Variants in NMRK2 observed in about 807,000 individuals in gnomAD.
NMRK2 encodes nicotinamide riboside kinase 2.
NMRK2 carries 34 observed loss-of-function variants against 24.7 expected under a neutral mutation model. That is an observed-to-expected ratio of 1.37 (90% CI 1.05 to 1.83). NMRK2 has a LOEUF of 1.83. Ranked by LOEUF, NMRK2 falls within the 40% of genes most tolerant of loss-of-function variation. The pLI, the probability that NMRK2 is intolerant of heterozygous loss-of-function variation, is 0.00. For synonymous variants in NMRK2, 145 were observed against 125.6 expected (o/e 1.15, Z -1.03); for missense variants, 341 against 315.0 (o/e 1.08, Z -0.62).
chr19:3,933,343 G>T (rs1450610683), intron 1 of NMRK2, 115 bp from the exon 2 acceptor site: 1 of 384,440 alleles, frequency 2.6e-6, no homozygotes, highest in Non-Finnish European at 4.7e-6. Flanking sequence ...GAGGGAGGAG[G>T]GGGTAAGAAG....
chr19:3,940,085 G>T lies in NMRK2; in HGVS notation c.395+114G>T. The T allele has an allele frequency of 4.4e-6, 4 of 907,544 alleles. No homozygotes were observed. In the Admixed American group the frequency reaches 8.6e-5, roughly 19 times the overall value. 56.2% of individuals were successfully genotyped at this position (907,544 alleles called of 1,614,324 possible). On this transcript the variant is annotated intron_variant, in intron 6 of 7. Coordinates refer to ENST00000168977, the MANE Select transcript of NMRK2 (RefSeq NM_170678.3). ...CTGGGGGCTGGGCACAGTGTCTCTG[G>T]GCTGTAATCCCAGCACTTCCGGAGG...
intron 6 of NMRK2, among the ~76,000 whole-genome samples, 197 bp from the exon 7 acceptor site, chr19:3,940,874 C>T (rs889597900): frequency 6.6e-6 from 1 of 152,238 alleles, no homozygotes; most frequent in Non-Finnish European, 1.5e-5. Context: ...CCACCCCAAC[C>T]CTGTCCAGGG....
chr19:3,942,366 C>T lies in NMRK2; in HGVS notation c.*93C>T. ...GCTCAGGGACTGAGCCCCAAGACGC[C>T]TCTGTAACCTCGCTGCAGCTTCAGT... On this transcript the variant is annotated 3_prime_UTR_variant, in exon 8 of 8. Coordinates refer to ENST00000168977, the MANE Select transcript of NMRK2 (RefSeq NM_170678.3). 3 of 1,125,828 alleles carry T rather than the reference C, an allele frequency of 2.7e-6. No homozygotes were observed. Among genetic ancestry groups the T allele is most frequent in the Non-Finnish European group, 3.7e-6 (3 of 800,404 alleles). The allele number at this position is 1,125,828 out of a possible 1,614,324, so 69.7% of individuals were successfully genotyped here.
rs1307815663 is a variant in NMRK2 at position 3,937,112 on chromosome 19, C to G, written c.118-128C>G. 8.5e-6 allele frequency: 7 copies of G among 826,122 alleles called. No homozygotes were observed. In the East Asian group the frequency reaches 1.9e-4, roughly 22 times the overall value. 51.2% of individuals were successfully genotyped at this position (826,122 alleles called of 1,614,324 possible). On this transcript the variant is annotated intron_variant, in intron 3 of 7. Coordinates refer to ENST00000168977, the MANE Select transcript of NMRK2 (RefSeq NM_170678.3). ...GATGGTCTGGGGAAAATCTGAGGGT[C>G]AGGCAGAGCCCCCACGCCTCAGGGA...
At chr19:3,936,417 G>A (rs553343310) in intron 2 of NMRK2, among the ~76,000 whole-genome samples, 158 bp from the exon 3 acceptor site, 57 of 143,124 alleles carry the variant, frequency 4.0e-4, no homozygotes, top group African/African-American at 1.1e-3. Flanking sequence ...CAAAAAAAAA[G>A]AAAAAGAATC....
rs775325451 is a variant in NMRK2 at position 3,939,962 on chromosome 19, G to T, written c.386G>T (p.Trp129Leu). Residue 129 changes from tryptophan (W) to leucine (L), a missense_variant, in exon 6 of 8, where the codon TGG (tryptophan) becomes TTG (leucine). Physicochemically the swap from Trp to Leu is moderately conservative, Grantham distance 61. Coordinates refer to ENST00000168977, the MANE Select transcript of NMRK2 (RefSeq NM_170678.3). ...ACCGTCCCGTATGAAGAGTGCAAGT[G>T]GAGGAGAAGGTGCACTTGGTGTCTG... is the stretch of plus-strand genomic sequence containing the variant. ...FLTVPYEECKWRRSTRNYTVP... is the reference protein window; with the variant it reads ...FLTVPYEECKLRRSTRNYTVP... 3 of 1,613,268 alleles carry T rather than the reference G, an allele frequency of 1.9e-6. No homozygotes were observed. The South Asian group carries it at 3.3e-5, about 18-fold the overall frequency.
intron 2 of NMRK2, among the ~76,000 whole-genome samples, chr19:3,935,588 T>C (rs2039199948): frequency 6.6e-6 from 1 of 151,304 alleles, no homozygotes; most frequent in African/African-American, 2.4e-5. Context: ...TATGTATTTA[T>C]TTATTTATTT....
chr19:3,937,270 G>T lies in NMRK2; in HGVS notation c.148G>T (p.Gly50Cys), dbSNP rs200487219. Residue 50 changes from glycine (G) to cysteine (C), a missense_variant, in exon 4 of 8, where the codon GGC becomes TGC. Gly to Cys is a radical substitution (Grantham distance 159). Transcript: ENST00000168977. Reference protein sequence around the residue: ...PQDQIAVGEDGFKQWDVLESL... With the variant: ...PQDQIAVGEDCFKQWDVLESL... Reference sequence around the variant, plus strand: ...AGACCAAATAGCAGTTGGGGAAGACGGCTTCAAACAGTGGGACGGTAAGGA... The same window carrying T: ...AGACCAAATAGCAGTTGGGGAAGACTGCTTCAAACAGTGGGACGGTAAGGA... The T allele has an allele frequency of 1.1e-5, 18 of 1,613,264 alleles. No homozygotes were observed. Among genetic ancestry groups the T allele is most frequent in the Non-Finnish European group, 1.5e-5 (18 of 1,179,512 alleles).
intron 2 of NMRK2, among the ~76,000 whole-genome samples, chr19:3,934,592 G>A (rs866779581): frequency 5.4e-5 from 8 of 149,180 alleles, no homozygotes; most frequent in Non-Finnish European, 1.0e-4. Flanking sequence ...TGTTGCCGTC[G>A]TAGTTTGAGA....
At position 3,933,533 on chromosome 19, in the gene NMRK2, G is replaced by A; in HGVS notation, c.-139G>A. ...CCATCCCCAGGGGCCGCCTCCCCCG[G>A]GGCGGCCTCCAGGCTGCCGAGACCT... On this transcript the variant is annotated 5_prime_UTR_variant, in exon 2 of 8. Coordinates refer to ENST00000168977, the MANE Select transcript of NMRK2 (RefSeq NM_170678.3). The A allele has an allele frequency of 1.1e-6, 1 of 949,946 alleles. No individual in the cohort carries two copies. The highest frequency in any genetic ancestry group is 1.5e-6 in the Non-Finnish European group (1 of 672,238). 58.8% of individuals were successfully genotyped at this position (949,946 alleles called of 1,614,324 possible).
In NMRK2 at chr19:3,941,029, C is replaced by T. The variant is rs1202591090; in HGVS notation, c.396-42C>T. On this transcript the variant is annotated intron_variant, in intron 6 of 7. Transcript: ENST00000168977. ...CACCGGGGGTATATTCTTAGCATCA[C>T]CCTTCTGTGCTCTAAGCCATCCTTG... 3.8e-6 allele frequency: 5 copies of T among 1,321,046 alleles called. No homozygotes were observed. In the African/African-American group the frequency reaches 5.8e-5, roughly 15 times the overall value. The allele number at this position is 1,321,046 out of a possible 1,614,324, so 81.8% of individuals were successfully genotyped here.
Position 3,936,611 on chromosome 19 carries a change from C to A in NMRK2, c.63C>A (p.Ser21Arg). The change falls in exon 3 of 8, where the codon AGC becomes AGA. Residue 21 changes from serine to arginine, a missense_variant. Ser to Arg is a moderately radical substitution (Grantham distance 110). Coordinates refer to ENST00000168977, the MANE Select transcript of NMRK2 (RefSeq NM_170678.3). ...TNGGKTTLTN[S>R]LLRALPNCCV... ...GCGGCAAGACCACGCTGACCAACAGCCTGCTCAGAGCCCTGCCCAACTGCT... is the reference window on the plus strand; with the variant it reads ...GCGGCAAGACCACGCTGACCAACAGACTGCTCAGAGCCCTGCCCAACTGCT... The A allele has an allele frequency of 1.9e-6, 3 of 1,573,468 alleles. No homozygotes were observed. Among genetic ancestry groups the A allele is most frequent in the East Asian group, 2.3e-5 (1 of 42,750 alleles).
chr19:3,942,284 A>G lies in NMRK2; in HGVS notation c.*11A>G, dbSNP rs762388429. 4.0e-5 allele frequency: 63 copies of G among 1,594,016 alleles called. No individual in the cohort carries two copies. Among genetic ancestry groups the G allele is most frequent in the Non-Finnish European group, 5.2e-5 (61 of 1,171,492 alleles). ...CAGGACAGCATGTGAGCGTTTCCCT[A>G]TGGGGGTGTCTGTACGTAGGAGAGT... On this transcript the variant is annotated 3_prime_UTR_variant, in exon 8 of 8. Coordinates refer to ENST00000168977, the MANE Select transcript of NMRK2 (RefSeq NM_170678.3).
intron 7 of NMRK2, 81 bp downstream of exon 7, chr19:3,941,258 T>C (rs1424512386): frequency 1.9e-5 from 15 of 796,212 alleles, no homozygotes; most frequent in South Asian, 3.4e-5. Context: ...TCTTTTTTTT[T>C]TTTTTTTTCA....
chr19:3,938,822 GTTT>G (rs1178177619), intron 5 of NMRK2, 63 bp downstream of exon 5: 10,935 of 183,236 alleles, frequency 0.06, 181 homozygotes, highest in Non-Finnish European at 0.071. Context: ...GCCATCTCTT[GTTT>G]TTTTTTTTTT....
intron 6 of NMRK2, among the ~76,000 whole-genome samples, chr19:3,940,773 C>T (rs918541275): frequency 2.6e-5 from 4 of 151,696 alleles, no homozygotes; most frequent in Admixed American, 2.0e-4. Flanking sequence ...CCACTGGACA[C>T]GGGCCACATC....
intron 2 of NMRK2, 77 bp downstream of exon 2, chr19:3,933,774 G>A (rs2039161038): frequency 7.6e-7 from 1 of 1,313,952 alleles, no homozygotes; most frequent in African/African-American, 1.6e-5. Context: ...GCCCGGGAAT[G>A]AATGGAGGGA....
At chr19:3,938,819 C>CG (rs2039267583) in intron 5 of NMRK2, 60 bp downstream of exon 5, 2 of 329,202 alleles carry the variant, frequency 6.1e-6, no homozygotes, top group Admixed American at 7.6e-5. Context: ...ATAGCCATCT[C>CG]TTGTTTTTTT....
chr19:3,941,658 G>A (rs937619104), intron 7 of NMRK2, among the ~76,000 whole-genome samples: 1 of 144,040 alleles, frequency 6.9e-6, no homozygotes, highest in African/African-American at 2.6e-5. Context: ...TGTTGTTGTT[G>A]TTTAGACGGA....
Sources: allele counts gnomAD v4.1 joint callset (sites outside exome capture counted in the v4.1 genomes callset), GRCh38; gene constraint gnomAD v4.1.1; transcripts MANE v1.5; gene names NCBI Gene and HGNC (gene_info 2026-07-23, HGNC 2026-07-21).